The following AGBL4 variants were observed in gnomAD, a reference collection of about 807,000 sequenced individuals.
AGBL4 encodes cytosolic carboxypeptidase 6.
AGBL4 carries 58 observed loss-of-function variants against 66.4 expected under a neutral mutation model. The ratio of observed to expected loss-of-function variants is 0.87; its 90% CI spans 0.71 to 1.09. The LOEUF is 1.09. Among genes scored for constraint, AGBL4 ranks in the 50% least tolerant of loss-of-function variants. AGBL4 has a pLI of 0.00. For synonymous variants in AGBL4, 234 were observed against 222.9 expected (o/e 1.05, Z -0.44); for missense variants, 579 against 631.0 (o/e 0.92, Z 0.88).
chr1:49,413,822 C>T (rs1645370354), intron 3 of AGBL4, among the ~76,000 whole-genome samples: 1 of 152,070 alleles, frequency 6.6e-6, no homozygotes, highest in Non-Finnish European at 1.5e-5. Context: ...GGAAATCTTA[C>T]TTCAAGTCTT....
At chr1:49,777,876 C>T (rs1219232828) in intron 2 of AGBL4, among the ~76,000 whole-genome samples, 2 of 152,150 alleles carry the variant, frequency 1.3e-5, no homozygotes, top group African/African-American at 4.8e-5. Flanking sequence ...TCTCCTAAGG[C>T]ATACAGCAAA....
chr1:48,740,567 G>C (rs1365182812), intron 6 of AGBL4, among the ~76,000 whole-genome samples: 1 of 152,190 alleles, frequency 6.6e-6, no homozygotes, highest in Non-Finnish European at 1.5e-5. Context: ...TATACTATTT[G>C]ACCAAAGTGT....
At chr1:48,952,890 A>T (rs962534957) in intron 5 of AGBL4, among the ~76,000 whole-genome samples, 1 of 151,954 alleles carries the variant, frequency 6.6e-6, no homozygotes, top group East Asian at 1.9e-4. Context: ...ATCAGCTATC[A>T]TTAGTGTTAG....
intron 1 of AGBL4, among the ~76,000 whole-genome samples, chr1:49,896,267 C>T (rs971761643): frequency 2.6e-5 from 4 of 151,648 alleles, no homozygotes; most frequent in African/African-American, 9.7e-5. Flanking sequence ...AGATATAGAC[C>T]CCAATAAAAT....
intron 4 of AGBL4, among the ~76,000 whole-genome samples, chr1:49,087,900 C>G (rs1644936664): frequency 6.6e-6 from 1 of 152,152 alleles, no homozygotes; most frequent in South Asian, 2.1e-4. Context: ...TCGGCAAAAA[C>G]CATACAAGCC....
chr1:49,901,097 T>C (rs1649726105), intron 1 of AGBL4, among the ~76,000 whole-genome samples: 1 of 152,126 alleles, frequency 6.6e-6, no homozygotes, highest in South Asian at 2.1e-4. Flanking sequence ...TATCACTCTA[T>C]AAAGATGAAA....
intron 4 of AGBL4, among the ~76,000 whole-genome samples, chr1:49,218,452 T>C (rs1380832758): frequency 6.6e-6 from 1 of 152,126 alleles, no homozygotes; most frequent in African/African-American, 2.4e-5. Context: ...AATGTAAGAC[T>C]GGAGAAGTAG....
intron 3 of AGBL4, chr1:49,691,277 T>C (rs1314457925): frequency 6.6e-6 from 1 of 152,324 alleles, no homozygotes; most frequent in Non-Finnish European, 1.5e-5. Flanking sequence ...ACTTCTGAAA[T>C]TGATTCTTGA....
At chr1:49,861,928 C>A (rs571272343) in intron 1 of AGBL4, among the ~76,000 whole-genome samples, 2 of 152,268 alleles carry the variant, frequency 1.3e-5, no homozygotes, top group East Asian at 3.9e-4. Flanking sequence ...TGGCTATAAA[C>A]AAGCCCAGAA....
intron 6 of AGBL4, among the ~76,000 whole-genome samples, chr1:48,769,111 A>C (rs1644676856): frequency 6.6e-6 from 1 of 152,224 alleles, no homozygotes; most frequent in Admixed American, 6.5e-5. Context: ...AAACCTTAAC[A>C]GATCCATCCA....
At chr1:49,144,312 G>T (rs536194947) in intron 4 of AGBL4, among the ~76,000 whole-genome samples, 1 of 152,078 alleles carries the variant, frequency 6.6e-6, no homozygotes, top group Non-Finnish European at 1.5e-5. Context: ...GGACTCTAGG[G>T]TGACTGAGTG....
At chr1:48,922,025 T>G (rs1654125646) in intron 5 of AGBL4, among the ~76,000 whole-genome samples, 1 of 152,188 alleles carries the variant, frequency 6.6e-6, no homozygotes, top group South Asian at 2.1e-4. Context: ...CTCAGTACTA[T>G]TATTATCATT....
intron 5 of AGBL4, among the ~76,000 whole-genome samples, chr1:49,033,763 A>C (rs954476346): frequency 6.6e-6 from 1 of 150,556 alleles, no homozygotes; most frequent in Non-Finnish European, 1.5e-5. Flanking sequence ...TTCTGTGATT[A>C]TATCATGTTC....
chr1:48,615,619 G>C (rs1036948179), intron 9 of AGBL4, among the ~76,000 whole-genome samples: 54 of 152,168 alleles, frequency 3.5e-4, no homozygotes, highest in Non-Finnish European at 5.7e-4. Flanking sequence ...AACTCTATTT[G>C]CTGACCAGAT....
intron 5 of AGBL4, among the ~76,000 whole-genome samples, chr1:48,891,348 C>T (rs991789031): frequency 1.3e-5 from 2 of 152,090 alleles, no homozygotes; most frequent in African/African-American, 4.8e-5. Flanking sequence ...ACTCAAGGAA[C>T]AGAAACAACA....
intron 4 of AGBL4, among the ~76,000 whole-genome samples, chr1:49,187,802 G>A (rs1647041462): frequency 6.6e-6 from 1 of 152,042 alleles, no homozygotes; most frequent in Admixed American, 6.6e-5. Context: ...TGTTCACATT[G>A]TGCGGAATAT....
At chr1:49,664,729 G>T (rs999176231) in intron 3 of AGBL4, among the ~76,000 whole-genome samples, 2 of 152,012 alleles carry the variant, frequency 1.3e-5, no homozygotes, top group African/African-American at 4.8e-5. Context: ...ACAGCTTTCT[G>T]TAGAAACATA....
chr1:49,137,863 A>G (rs2148085350), intron 4 of AGBL4, among the ~76,000 whole-genome samples: 1 of 152,258 alleles, frequency 6.6e-6, no homozygotes, highest in Admixed American at 6.6e-5. Context: ...GCCGAAAATA[A>G]TAATTACAAT....
chr1:48,873,012 C>G (rs904933397), intron 5 of AGBL4, among the ~76,000 whole-genome samples: 2 of 152,162 alleles, frequency 1.3e-5, no homozygotes, highest in African/African-American at 2.4e-5. Context: ...TATCTGGTAC[C>G]TAGCCCTTTA....
Sources: gnomAD v4.1 joint callset for allele counts (sites outside exome capture counted in the v4.1 genomes callset) on GRCh38, gnomAD v4.1.1 for gene constraint, MANE v1.5 for transcripts, NCBI Gene and HGNC (gene_info 2026-07-23, HGNC 2026-07-21) for gene names.